Variants in TOX observed in about 807,000 individuals in gnomAD.
The protein encoded by TOX is thymocyte selection associated high mobility group box.
Under a neutral mutation model 53.7 loss-of-function variants are expected in TOX, and 11 were observed. That is an observed-to-expected ratio of 0.20 (90% CI 0.13 to 0.34). The LOEUF (loss-of-function observed/expected upper bound fraction) is 0.34. TOX is among the 10% of genes least tolerant of loss of function. The pLI, the probability that TOX is intolerant of heterozygous loss-of-function variation, is 1.00. For missense variants in TOX, 570 were observed against 664.6 expected (o/e 0.86, Z 1.56); for synonymous variants, 225 against 245.3 (o/e 0.92, Z 0.77).
intron 3 of TOX, among the ~76,000 whole-genome samples, chr8:58,937,431 G>C (rs1405099157): frequency 6.6e-6 from 1 of 152,042 alleles, no homozygotes; most frequent in Non-Finnish European, 1.5e-5. Context: ...AGGGACAGTG[G>C]GAATGGACAT....
chr8:58,890,978 T>G (rs1811550478), intron 3 of TOX, among the ~76,000 whole-genome samples: 1 of 152,104 alleles, frequency 6.6e-6, no homozygotes, highest in African/African-American at 2.4e-5. Context: ...TAGAGATCGG[T>G]ATGTTCATTA....
intron 1 of TOX, among the ~76,000 whole-genome samples, chr8:59,077,483 A>G (rs1804312481): frequency 6.6e-6 from 1 of 152,138 alleles, no homozygotes. Context: ...CTTGGTACCC[A>G]GGAATGTGTG....
chr8:59,009,081 C>T (rs1295114620), intron 1 of TOX, among the ~76,000 whole-genome samples: 2 of 151,568 alleles, frequency 1.3e-5, no homozygotes, highest in African/African-American at 4.9e-5. Flanking sequence ...CTGTTTCCTT[C>T]CCTCTCTTCC....
At chr8:59,047,386 TTTTTTTTA>T (rs1803709931) in intron 1 of TOX, among the ~76,000 whole-genome samples, 1 of 150,988 alleles carries the variant, frequency 6.6e-6, no homozygotes, top group Non-Finnish European at 1.5e-5. Context: ...CCAGCTAATT[TTTTTTTTA>T]TTTTTTTATT....
chr8:59,080,136 C>T (rs985602556), intron 1 of TOX, among the ~76,000 whole-genome samples: 12 of 152,060 alleles, frequency 7.9e-5, no homozygotes, highest in Admixed American at 5.9e-4. Flanking sequence ...GGATGCACCA[C>T]CATGCCTGGC....
Position 58,976,757 on chromosome 8 carries a change from G to A in TOX, c.103-16749C>T, listed in dbSNP as rs1444046618. ...GAATGGATGTTATGCTAACAGGCAC[G>A]AAAACAACATTCATCTCCTTGTACA... On this transcript the variant is annotated intron_variant, in intron 1 of 8. Transcript: ENST00000361421. 3.3e-5 allele frequency among the ~76,000 whole-genome samples: 5 copies of A among 152,302 alleles called. No homozygotes were observed. In the East Asian group the frequency reaches 9.7e-4, roughly 29 times the overall value.
rs2129175715 is a variant in TOX, at chr8:58,931,313, C to T, written c.411+7989G>A. Among the ~76,000 whole-genome samples, 2 of 151,304 alleles carry T rather than the reference C, an allele frequency of 1.3e-5. 1 individual carries two copies. Among genetic ancestry groups the T allele is most frequent in the South Asian group, 4.2e-4 (2 of 4,810 alleles). ...CTGCCATCCATTGTCATCAACATTCCTTAAGATCATAAATGTCAAAAAAAA... is the reference window on the plus strand; with the variant it reads ...CTGCCATCCATTGTCATCAACATTCTTTAAGATCATAAATGTCAAAAAAAA... On this transcript the variant is annotated intron_variant, in intron 3 of 8. Transcript: ENST00000361421.
At chr8:59,102,026 T>C (rs1024959366) in intron 1 of TOX, among the ~76,000 whole-genome samples, 2 of 152,128 alleles carry the variant, frequency 1.3e-5, no homozygotes, top group Admixed American at 6.5e-5. Context: ...AGGGCATCCA[T>C]ATCAGTTTGT....
chr8:59,110,732 C>A (rs1164623984), intron 1 of TOX, among the ~76,000 whole-genome samples: 2 of 151,558 alleles, frequency 1.3e-5, no homozygotes, highest in African/African-American at 2.4e-5. Context: ...GAAAAAGAGG[C>A]CCCCCGGGGG....
intron 3 of TOX, among the ~76,000 whole-genome samples, chr8:58,853,555 A>C (rs1810861488): frequency 6.6e-6 from 1 of 152,164 alleles, no homozygotes; most frequent in Non-Finnish European, 1.5e-5. Context: ...CTTGACCAAA[A>C]CCAAAGATAA....
At chr8:58,960,672 C>T (rs368786785) in intron 1 of TOX, among the ~76,000 whole-genome samples, 4 of 152,076 alleles carry the variant, frequency 2.6e-5, no homozygotes, top group Admixed American at 6.5e-5. Flanking sequence ...GAAATTCATA[C>T]GCAAATTTTC....
At chr8:59,074,873 A>G (rs1294182354) in intron 1 of TOX, among the ~76,000 whole-genome samples, 3 of 152,212 alleles carry the variant, frequency 2.0e-5, no homozygotes, top group African/African-American at 7.2e-5. Flanking sequence ...TGTGGAGGCC[A>G]TGCAAGAGAA....
chr8:58,993,395 A>T (rs971042487), intron 1 of TOX, among the ~76,000 whole-genome samples: 1 of 152,162 alleles, frequency 6.6e-6, no homozygotes, highest in African/African-American at 2.4e-5. Flanking sequence ...TGATGCTATA[A>T]AGTTTCACCA....
At chr8:59,014,726 CATTT>C (rs1442314093) in intron 1 of TOX, among the ~76,000 whole-genome samples, 2 of 152,102 alleles carry the variant, frequency 1.3e-5, no homozygotes, top group African/African-American at 4.8e-5. Context: ...TTATTTTTAG[CATTT>C]ATTATTATTC....
chr8:59,078,371 T>C (rs1009627094), intron 1 of TOX, among the ~76,000 whole-genome samples: 1 of 152,180 alleles, frequency 6.6e-6, no homozygotes, highest in African/African-American at 2.4e-5. Flanking sequence ...GTTTGGGTCA[T>C]AGGTGCAGAT....
At chr8:59,045,388 A>G (rs1475083646) in intron 1 of TOX, among the ~76,000 whole-genome samples, 2 of 152,216 alleles carry the variant, frequency 1.3e-5, no homozygotes, top group Admixed American at 1.3e-4. Context: ...TCAGAGCTCA[A>G]GATTTTATTT....
chr8:59,084,459 C>A (rs540882823), intron 1 of TOX, among the ~76,000 whole-genome samples: 1 of 152,128 alleles, frequency 6.6e-6, no homozygotes, highest in Non-Finnish European at 1.5e-5. Flanking sequence ...CCTATCCATG[C>A]AAATATCATG....
intron 3 of TOX, among the ~76,000 whole-genome samples, chr8:58,910,476 C>T (rs1811890460): frequency 6.6e-6 from 1 of 152,038 alleles, no homozygotes; most frequent in African/African-American, 2.4e-5. Flanking sequence ...ACAGAAATAC[C>T]ATGAAGTTTC....
chr8:58,841,591 A>G (rs575310232), intron 4 of TOX, among the ~76,000 whole-genome samples: 1 of 152,326 alleles, frequency 6.6e-6, no homozygotes, highest in South Asian at 2.1e-4. Context: ...TCTAACATAC[A>G]GCACAATGAC....
Sources: allele counts gnomAD v4.1 joint callset (sites outside exome capture counted in the v4.1 genomes callset), GRCh38; gene constraint gnomAD v4.1.1; transcripts MANE v1.5; gene names NCBI Gene and HGNC (gene_info 2026-07-23, HGNC 2026-07-21).